FAM193A: variants seen among roughly 807,000 people sequenced by gnomAD.
FAM193A encodes the protein family with sequence similarity 193 member A, also known as protein FAM193A.
FAM193A carries 22 observed loss-of-function variants against 126.5 expected under a neutral mutation model. The observed-to-expected ratio is 0.17, with a 90% CI of 0.12 to 0.25. The LOEUF (loss-of-function observed/expected upper bound fraction) is 0.25, where lower values mean the gene tolerates loss of function less well. Ranked by LOEUF, FAM193A falls within the 10% of genes least tolerant of loss-of-function variation. The probability of loss-of-function intolerance (pLI) is 1.00; values close to 1 mark genes in which losing one functional copy is unlikely to be tolerated. For missense variants in FAM193A, 1,675 were observed against 1,672.8 expected (o/e 1.00, Z -0.02); for synonymous variants, 761 against 646.8 (o/e 1.18, Z -2.68).
At chr4:2,668,331 A>T (rs367815062) in intron 12 of FAM193A, among the ~76,000 whole-genome samples, 2 of 151,368 alleles carry the variant, frequency 1.3e-5, no homozygotes, top group African/African-American at 2.4e-5. Context: ...CTCCTGCCTC[A>T]GCCTCCCAAG....
chr4:2,686,461 C>A (rs1715750821), intron 13 of FAM193A, among the ~76,000 whole-genome samples: 1 of 152,204 alleles, frequency 6.6e-6, no homozygotes, highest in Non-Finnish European at 1.5e-5. Flanking sequence ...AAGACAAAAA[C>A]ATAATCAAAA....
intron 20 of FAM193A, chr4:2,720,007 C>A: frequency 4.3e-6 from 1 of 234,234 alleles, no homozygotes; most frequent in Non-Finnish European, 9.1e-6. Flanking sequence ...ATTGCCCAGG[C>A]TGGTCTCGAA....
At chr4:2,635,185 G>A (rs1743970152) in intron 5 of FAM193A, among the ~76,000 whole-genome samples, 1 of 152,088 alleles carries the variant, frequency 6.6e-6, no homozygotes, top group African/African-American at 2.4e-5. Context: ...ATTCCAATCA[G>A]GACCCAAAAA....
intron 12 of FAM193A, among the ~76,000 whole-genome samples, chr4:2,671,258 A>T (rs73791848): frequency 6.6e-6 from 1 of 152,130 alleles, no homozygotes; most frequent in African/African-American, 2.4e-5. Context: ...TCTCATTTCC[A>T]GGGTTCTCTC....
chr4:2,632,447 T>C (rs1353220687), intron 5 of FAM193A, among the ~76,000 whole-genome samples: 1 of 152,090 alleles, frequency 6.6e-6, no homozygotes, highest in Non-Finnish European at 1.5e-5. Context: ...TGACGCATGC[T>C]ACTCAAGAGG....
At chr4:2,594,942 C>T (rs1157703443) in intron 1 of FAM193A, among the ~76,000 whole-genome samples, 4 of 148,034 alleles carry the variant, frequency 2.7e-5, no homozygotes, top group Admixed American at 1.4e-4. Flanking sequence ...GATTCTCCTG[C>T]GTCAGCCTCC....
At chr4:2,642,635 T>TA (rs3831502) in intron 6 of FAM193A, among the ~76,000 whole-genome samples, 10 of 151,130 alleles carry the variant, frequency 6.6e-5, no homozygotes, top group East Asian at 1.9e-4. Flanking sequence ...GAATCTACCT[T>TA]AAAAAAAAAT....
Position 2,631,187 on chromosome 4 carries a change from T to G in FAM193A, c.1038+18T>G. The G allele has an allele frequency of 6.3e-7, 1 of 1,585,934 alleles. No individual in the cohort carries two copies. Among genetic ancestry groups the G allele is most frequent in the Non-Finnish European group, 8.6e-7 (1 of 1,163,198 alleles). ...GCACTCTGGTAAGAGAGAAAACGTG[T>G]TTTTCTTTCTGTTTGGATGAGCTGA... On this transcript the variant is annotated intron_variant, in intron 5 of 20. Coordinates refer to ENST00000637812, the MANE Select transcript of FAM193A (RefSeq NM_001366318.2).
chr4:2,683,284 CTT>C (rs200488691), intron 13 of FAM193A, among the ~76,000 whole-genome samples: 13 of 142,162 alleles, frequency 9.1e-5, no homozygotes, highest in Non-Finnish European at 1.1e-4. Flanking sequence ...AAGATTTTCT[CTT>C]TTTTTTTTTT....
intron 19 of FAM193A, among the ~76,000 whole-genome samples, chr4:2,702,992 C>CCA (rs745731350): frequency 2.0e-5 from 3 of 152,128 alleles, no homozygotes; most frequent in East Asian, 1.9e-4. Flanking sequence ...CTGTTCCCAC[C>CCA]CACTCCCTGT....
intron 1 of FAM193A, among the ~76,000 whole-genome samples, chr4:2,552,300 C>T (rs892686293): frequency 1.3e-4 from 11 of 87,658 alleles, no homozygotes; most frequent in South Asian, 4.9e-4. Context: ...CGTGAGCCAC[C>T]GCGCCCGGCT....
chr4:2,732,000 C>A lies in FAM193A; in HGVS notation c.*132C>A. The A allele has an allele frequency of 1.4e-6, 1 of 737,550 alleles. No homozygotes were observed. Among genetic ancestry groups the A allele is most frequent in the Non-Finnish European group, 2.4e-6 (1 of 417,402 alleles). 45.7% of individuals were successfully genotyped at this position (737,550 alleles called of 1,614,324 possible). A position where few individuals can be genotyped will look rare whatever the true frequency, so the allele number is the denominator to read the frequency against. ...GTGCGGAGCTGGTGCTGCCTGAAAC[C>A]CCAGACCGAGAAGTTGATGCTCGGC... On this transcript the variant is annotated 3_prime_UTR_variant, in exon 21 of 21. Coordinates refer to ENST00000637812, the MANE Select transcript of FAM193A (RefSeq NM_001366318.2).
At chr4:2,540,018 T>A (rs1044512303) in intron 1 of FAM193A, among the ~76,000 whole-genome samples, 3 of 151,556 alleles carry the variant, frequency 2.0e-5, no homozygotes, top group African/African-American at 7.3e-5. Flanking sequence ...CTCGGGAGAC[T>A]GAGGCAGGAG....
At chr4:2,574,613 A>G (rs2141297) in intron 1 of FAM193A, among the ~76,000 whole-genome samples, 149,937 of 152,238 alleles carry the variant, frequency 0.98, 73,868 homozygotes, top group Middle Eastern at 1. Context: ...AGCCCTGAGG[A>G]TCTCTAATGC....
At chr4:2,562,861 C>G (rs1050959711) in intron 1 of FAM193A, among the ~76,000 whole-genome samples, 2 of 151,666 alleles carry the variant, frequency 1.3e-5, no homozygotes, top group Non-Finnish European at 2.9e-5. Context: ...AACTCCTGAC[C>G]TCATGATCTG....
intron 2 of FAM193A, among the ~76,000 whole-genome samples, chr4:2,612,123 A>G (rs1326873885): frequency 1.3e-5 from 2 of 151,552 alleles, no homozygotes; most frequent in South Asian, 4.2e-4. Context: ...GGCGTGAGCC[A>G]CCGCGCCCGG....
chr4:2,728,866 CTAATAAG>C (rs1721048041), intron 20 of FAM193A, among the ~76,000 whole-genome samples: 1 of 135,860 alleles, frequency 7.4e-6, no homozygotes, highest in Non-Finnish European at 1.5e-5. Flanking sequence ...CCCTAGACCT[CTAATAAG>C]CAAATATGTT....
chr4:2,582,415 AC>A (rs1341933449), intron 1 of FAM193A, among the ~76,000 whole-genome samples: 2 of 152,288 alleles, frequency 1.3e-5, no homozygotes, highest in East Asian at 3.9e-4. Flanking sequence ...GATTACAGGC[AC>A]GAGCCCCATC....
chr4:2,579,831 G>A (rs564144715), intron 1 of FAM193A, among the ~76,000 whole-genome samples: 2 of 152,310 alleles, frequency 1.3e-5, no homozygotes, highest in African/African-American at 2.4e-5. Flanking sequence ...CTGTTGGTGC[G>A]AGTGTAAATT....
Sources: allele counts gnomAD v4.1 joint callset (sites outside exome capture counted in the v4.1 genomes callset), GRCh38; gene constraint gnomAD v4.1.1; transcripts MANE v1.5; gene names NCBI Gene and HGNC (gene_info 2026-07-23, HGNC 2026-07-21).